Variants in FRAS1 observed in about 807,000 individuals in gnomAD.
FRAS1 encodes the protein Fraser extracellular matrix complex subunit 1.
A neutral mutation model predicts 435.2 loss-of-function variants in FRAS1; 290 were observed. That is an observed-to-expected ratio of 0.67 (90% CI 0.61 to 0.73). FRAS1 has a LOEUF of 0.73. FRAS1 is among the 30% of genes least tolerant of loss of function. FRAS1 has a pLI of 0.00. For missense variants in FRAS1, 4,860 were observed against 5,001.5 expected (o/e 0.97, Z 0.85); for synonymous variants, 1,800 against 1,851.0 (o/e 0.97, Z 0.71).
intron 18 of FRAS1, among the ~76,000 whole-genome samples, chr4:78,324,643 T>C (rs1246798514): frequency 2.0e-5 from 3 of 151,422 alleles, no homozygotes; most frequent in Admixed American, 2.0e-4. Flanking sequence ...GGATCCTGGG[T>C]TCTAATATAG....
chr4:78,116,485 A>C (rs1743186308), intron 2 of FRAS1, among the ~76,000 whole-genome samples: 1 of 152,248 alleles, frequency 6.6e-6, no homozygotes, highest in African/African-American at 2.4e-5. Flanking sequence ...GTAGGTCTCT[A>C]AGGACTTGCT....
intron 6 of FRAS1, among the ~76,000 whole-genome samples, chr4:78,258,534 A>C (rs1725904991): frequency 6.6e-6 from 1 of 150,836 alleles, no homozygotes; most frequent in Non-Finnish European, 1.5e-5. Flanking sequence ...ATTTAGTGCC[A>C]TGGAGGAGAA....
chr4:78,527,974 A>C (rs1391300379), intron 70 of FRAS1, among the ~76,000 whole-genome samples: 1 of 152,166 alleles, frequency 6.6e-6, no homozygotes, highest in East Asian at 1.9e-4. Context: ...AGCTGGAAGC[A>C]CAGAGAGTTC....
At chr4:78,373,777 T>TAAG (rs756556322) in intron 24 of FRAS1, among the ~76,000 whole-genome samples, 28 of 146,290 alleles carry the variant, frequency 1.9e-4, no homozygotes, top group Middle Eastern at 3.4e-3. Flanking sequence ...CCGTCTTAAA[T>TAAG]AATAATAATA....
chr4:78,305,122 C>T (rs1315301771), intron 14 of FRAS1, among the ~76,000 whole-genome samples: 1 of 151,938 alleles, frequency 6.6e-6, no homozygotes, highest in Non-Finnish European at 1.5e-5. Flanking sequence ...GTTATGTACC[C>T]AGTAGTCATT....
At chr4:78,146,503 A>G (rs1251583323) in intron 2 of FRAS1, among the ~76,000 whole-genome samples, 2 of 151,894 alleles carry the variant, frequency 1.3e-5, no homozygotes, top group East Asian at 1.9e-4. Context: ...GCTTTTTATT[A>G]TAGAAAATTA....
At chr4:78,499,969 C>A in intron 61 of FRAS1, 48 bp downstream of exon 61, 4 of 1,345,914 alleles carry the variant, frequency 3.0e-6, no homozygotes, top group Non-Finnish European at 2.0e-6. Flanking sequence ...AATAGAGGGG[C>A]AAAAATCTTG....
chr4:78,315,551 C>T, intron 15 of FRAS1, 43 bp from the exon 16 acceptor site: 1 of 1,560,604 alleles, frequency 6.4e-7, no homozygotes, highest in Non-Finnish European at 8.7e-7. Flanking sequence ...GCTTCTTTTG[C>T]TCACTATTGC....
At chr4:78,113,775 G>A (rs1454834814) in intron 2 of FRAS1, among the ~76,000 whole-genome samples, 1 of 152,152 alleles carries the variant, frequency 6.6e-6, no homozygotes, top group African/African-American at 2.4e-5. Flanking sequence ...CCGTTCTGTA[G>A]GTTGCCTGGT....
intron 47 of FRAS1, among the ~76,000 whole-genome samples, chr4:78,463,111 T>C (rs546457939): frequency 6.0e-4 from 91 of 152,320 alleles, no homozygotes; most frequent in Non-Finnish European, 9.8e-4. Flanking sequence ...GATTAAAAGA[T>C]GTCATTTTCG....
At chr4:78,418,796 G>C (rs12649596) in intron 32 of FRAS1, among the ~76,000 whole-genome samples, 153 bp from the exon 33 acceptor site, 50,607 of 152,038 alleles carry the variant, frequency 0.33, 8,724 homozygotes, top group Non-Finnish European at 0.38. Context: ...CAATGCAAGA[G>C]ACCAGATCCT....
At chr4:78,477,225 A>G (rs1238456535) in intron 54 of FRAS1, among the ~76,000 whole-genome samples, 1 of 152,190 alleles carries the variant, frequency 6.6e-6, no homozygotes, top group Admixed American at 6.5e-5. Context: ...TAATTGTGTA[A>G]GTAATATGGT....
chr4:78,275,032 C>G (rs1271206332), intron 9 of FRAS1, among the ~76,000 whole-genome samples: 2 of 152,150 alleles, frequency 1.3e-5, no homozygotes, highest in South Asian at 2.1e-4. Context: ...GGATAGTTAG[C>G]TCTTCTTGTT....
chr4:78,373,774 AAAT>A (rs58619851), intron 24 of FRAS1, among the ~76,000 whole-genome samples: 2,617 of 151,392 alleles, frequency 0.017, 84 homozygotes, highest in African/African-American at 0.06. Flanking sequence ...ACTCCGTCTT[AAAT>A]AATAATAATA....
chr4:78,139,319 A>G (rs756556400), intron 2 of FRAS1, among the ~76,000 whole-genome samples: 1 of 147,004 alleles, frequency 6.8e-6, no homozygotes, highest in Non-Finnish European at 1.5e-5. Flanking sequence ...GAACCTTAGC[A>G]GACTATTGAT....
intron 27 of FRAS1, among the ~76,000 whole-genome samples, chr4:78,380,311 AC>A (rs1237097236): frequency 6.7e-6 from 1 of 150,298 alleles, no homozygotes; most frequent in Non-Finnish European, 1.5e-5. Context: ...ACTAGATGTT[AC>A]AGCTGCTTCT....
At position 78,470,000 on chromosome 4, in the gene FRAS1, C is replaced by T. The variant is rs113732809; in HGVS notation, c.7280C>T (p.Pro2427Leu). 5.6e-6 allele frequency: 9 copies of T among 1,613,434 alleles called. No homozygotes were observed. Among genetic ancestry groups the T allele is most frequent in the African/African-American group, 2.7e-5 (2 of 74,878 alleles). ...CAGATTATGACAGCAGCACCTCAGC[C>T]GTTCCGAGTAGACATCCTCCCGGTA... ...GKEIMTAAPQ[P>L]FRVDILPVDD... Residue 2427 changes from proline to leucine, a missense_variant, in exon 51 of 74, where the codon CCG becomes CTG. Physicochemically the swap from Pro to Leu is moderately conservative, Grantham distance 98. Coordinates refer to ENST00000512123, the MANE Select transcript of FRAS1 (RefSeq NM_025074.7).
intron 59 of FRAS1, among the ~76,000 whole-genome samples, chr4:78,495,590 T>C (rs892454433): frequency 2.0e-5 from 3 of 152,168 alleles, no homozygotes; most frequent in African/African-American, 7.2e-5. Flanking sequence ...AGATACCATC[T>C]TCAGCTTTGA....
chr4:78,454,092 G>A (rs7691528), intron 47 of FRAS1, among the ~76,000 whole-genome samples: 6,510 of 152,012 alleles, frequency 0.043, 475 homozygotes, highest in African/African-American at 0.15. Context: ...GAGCAAGCAG[G>A]TGAGGGAAGC....
Sources: allele counts gnomAD v4.1 joint callset (sites outside exome capture counted in the v4.1 genomes callset), GRCh38; gene constraint gnomAD v4.1.1; transcripts MANE v1.5; gene names NCBI Gene and HGNC (gene_info 2026-07-23, HGNC 2026-07-21).